DSCAM: variants seen among roughly 807,000 people sequenced by gnomAD.
The protein encoded by DSCAM is DS cell adhesion molecule.
Under a neutral mutation model 217.7 loss-of-function variants are expected in DSCAM, and 47 were observed. The ratio of observed to expected loss-of-function variants is 0.22; its 90% CI spans 0.17 to 0.28. The LOEUF is 0.28. Among genes scored for constraint, DSCAM ranks in the 10% least tolerant of loss-of-function variants. The pLI is 1.00. For missense variants in DSCAM, 2,080 were observed against 2,618.3 expected, an observed-to-expected ratio of 0.79 and a Z score of 4.49; for synonymous variants, 1,056 against 1,015.3, an observed-to-expected ratio of 1.04 and a Z score of -0.76.
At position 40,164,777 on chromosome 21, in the gene DSCAM, G is replaced by A. The variant is rs188410313; in HGVS notation, c.3018+2441C>T. Among the ~76,000 whole-genome samples the A allele has an allele frequency of 5.9e-4, 90 of 152,122 alleles. 1 individual carries two copies. Among genetic ancestry groups the A allele is most frequent in the Non-Finnish European group, 1.0e-3 (70 of 68,000 alleles). ...AGATCGTGTCATTGCACTCCAGCCT[G>A]GGCGACAGAGTGAGACTCTGTCTCA... On this transcript the variant is annotated intron_variant, in intron 16 of 32. Coordinates refer to ENST00000400454, the MANE Select transcript of DSCAM (RefSeq NM_001389.5).
intron 18 of DSCAM, among the ~76,000 whole-genome samples, chr21:40,137,092 G>A (rs148421525): frequency 0.024 from 3,599 of 150,520 alleles, 57 homozygotes; most frequent in Non-Finnish European, 0.037. Flanking sequence ...AGAGAACGGC[G>A]TGAACCTGGG....
chr21:40,755,378 A>C (rs975654567), intron 1 of DSCAM, among the ~76,000 whole-genome samples: 1 of 152,206 alleles, frequency 6.6e-6, no homozygotes, highest in Non-Finnish European at 1.5e-5. Context: ...CCCGGGAGGC[A>C]GAGTTTGCAG....
chr21:40,056,670 A>G (rs1478279890), intron 28 of DSCAM, among the ~76,000 whole-genome samples: 3 of 152,258 alleles, frequency 2.0e-5, no homozygotes, highest in African/African-American at 4.8e-5. Context: ...ATGTTCAAAT[A>G]GTATTTACTG....
At chr21:40,491,052 C>G (rs551268186) in intron 3 of DSCAM, among the ~76,000 whole-genome samples, 1 of 152,108 alleles carries the variant, frequency 6.6e-6, no homozygotes, top group East Asian at 1.9e-4. Context: ...TCTCTGCCCC[C>G]GTGTTTTAAG....
At chr21:40,796,770 T>C (rs951526867) in intron 1 of DSCAM, among the ~76,000 whole-genome samples, 2 of 152,164 alleles carry the variant, frequency 1.3e-5, no homozygotes, top group African/African-American at 2.4e-5. Flanking sequence ...TAAAATATGA[T>C]AAGTGCTGAT....
At chr21:40,189,004 A>C (rs1383994057) in intron 12 of DSCAM, 38 bp downstream of exon 12, 1 of 1,591,486 alleles carries the variant, frequency 6.3e-7, no homozygotes, top group East Asian at 2.2e-5. Context: ...TCTTCCAATA[A>C]AGTTCATTCC....
At chr21:40,310,035 A>C (rs1050093300) in intron 9 of DSCAM, among the ~76,000 whole-genome samples, 1 of 152,214 alleles carries the variant, frequency 6.6e-6, no homozygotes, top group Middle Eastern at 3.2e-3. Context: ...ACTTGGCTAC[A>C]TATTAGAATA....
chr21:40,649,413 A>G (rs1207611800), intron 3 of DSCAM, among the ~76,000 whole-genome samples: 1 of 152,216 alleles, frequency 6.6e-6, no homozygotes, highest in East Asian at 1.9e-4. Context: ...CCATGGGCCA[A>G]CGTCATTAGA....
intron 2 of DSCAM, among the ~76,000 whole-genome samples, chr21:40,707,141 G>A (rs10483070): frequency 0.12 from 18,872 of 152,198 alleles, 2,011 homozygotes; most frequent in African/African-American, 0.29. Context: ...AGACATAATG[G>A]ATTAATACGC....
At chr21:40,442,526 T>C (rs978327219) in intron 3 of DSCAM, among the ~76,000 whole-genome samples, 4 of 142,988 alleles carry the variant, frequency 2.8e-5, no homozygotes, top group African/African-American at 1.0e-4. Flanking sequence ...TGTTTTTTTT[T>C]TTTTTTTTGG....
At chr21:40,506,223 C>T (rs1436909372) in intron 3 of DSCAM, among the ~76,000 whole-genome samples, 1 of 152,162 alleles carries the variant, frequency 6.6e-6, no homozygotes, top group Non-Finnish European at 1.5e-5. Context: ...GAAGCCCATG[C>T]ACGAGGGGAC....
At chr21:40,771,620 C>T in intron 1 of DSCAM, among the ~76,000 whole-genome samples, 1 of 152,350 alleles carries the variant, frequency 6.6e-6, no homozygotes, top group Non-Finnish European at 1.5e-5. Flanking sequence ...GGGCATGGCT[C>T]ATTTCCATCT....
intron 3 of DSCAM, among the ~76,000 whole-genome samples, chr21:40,681,781 AGAG>A (rs1175459286): frequency 2.6e-5 from 4 of 152,130 alleles, no homozygotes; most frequent in Admixed American, 2.6e-4. Context: ...CTTTATTAGA[AGAG>A]GAGAAGAAAT....
intron 11 of DSCAM, among the ~76,000 whole-genome samples, chr21:40,212,677 C>A (rs1050581714): frequency 6.6e-6 from 1 of 152,024 alleles, no homozygotes; most frequent in Non-Finnish European, 1.5e-5. Flanking sequence ...TAATTTTCAT[C>A]CCTTTAGTGG....
intron 3 of DSCAM, among the ~76,000 whole-genome samples, chr21:40,506,931 T>C (rs2076214322): frequency 6.6e-6 from 1 of 152,202 alleles, no homozygotes; most frequent in South Asian, 2.1e-4. Flanking sequence ...ATACAAAGCA[T>C]ATTATCAGAG....
intron 3 of DSCAM, among the ~76,000 whole-genome samples, chr21:40,486,988 A>G (rs1016846441): frequency 2.6e-5 from 4 of 151,972 alleles, no homozygotes; most frequent in African/African-American, 9.7e-5. Flanking sequence ...GCTTGGTCTC[A>G]CTTTCTGCTT....
chr21:40,794,570 TA>T (rs1003849542), intron 1 of DSCAM, among the ~76,000 whole-genome samples: 14 of 150,668 alleles, frequency 9.3e-5, no homozygotes, highest in African/African-American at 3.4e-4. Context: ...TACCTCTTAG[TA>T]AAGTGAACCA....
intron 19 of DSCAM, 48 bp downstream of exon 19, chr21:40,133,806 C>A: frequency 6.4e-7 from 1 of 1,553,852 alleles, no homozygotes; most frequent in South Asian, 1.2e-5. Context: ...TCTCTGTGAC[C>A]CAGCCCTTCC....
Position 40,324,177 on chromosome 21 carries a change from A to G in DSCAM, c.1784-11818T>C, listed in dbSNP as rs1014305374. Among the ~76,000 whole-genome samples, 5 of 151,704 alleles carry G rather than the reference A, an allele frequency of 3.3e-5. No individual in the cohort carries two copies. The East Asian group carries it at 5.8e-4, about 18-fold the overall frequency. ...AGAAAAGGAAATAAAAGGAAGGCAA[A>G]TAACTTTTTTCCCAAAAATTGTTTA... is the stretch of plus-strand genomic sequence containing the variant. On this transcript the variant is annotated intron_variant, in intron 8 of 32. Transcript: ENST00000400454.
Sources: gnomAD v4.1 joint callset for allele counts (sites outside exome capture counted in the v4.1 genomes callset) on GRCh38, gnomAD v4.1.1 for gene constraint, MANE v1.5 for transcripts, NCBI Gene and HGNC (gene_info 2026-07-23, HGNC 2026-07-21) for gene names.